Variants in BACE1 observed in about 807,000 individuals in gnomAD.
The protein encoded by BACE1 is beta-secretase 1, also known as APP beta-secretase.
A neutral mutation model predicts 54.0 loss-of-function variants in BACE1; 21 were observed. The observed-to-expected ratio is 0.39, with a 90% CI of 0.28 to 0.56. The LOEUF (loss-of-function observed/expected upper bound fraction) is 0.56, where lower values mean the gene tolerates loss of function less well. BACE1 is among the 20% of genes least tolerant of loss of function. The pLI is 0.63. For synonymous variants in BACE1, 232 were observed against 260.9 expected (o/e 0.89, Z 1.07); for missense variants, 511 against 661.2 (o/e 0.77, Z 2.49).
chr11:117,289,803 G>T lies in BACE1; in HGVS notation c.1269C>A (p.His423Gln). The part of the protein sequence containing the change: ...IGFAVSACHV[H>Q]DEFRTAAVEG... The stretch of plus-strand genomic sequence containing the variant: ...CCACCGCTGCCGTCCTGAACTCATC[G>T]TGCACTGGGGAGAGGGCAAATGTGA... Residue 423 changes from histidine to glutamine, a missense_variant, in exon 9 of 9, where the codon CAC becomes CAA. Physicochemically the swap from His to Gln is conservative, Grantham distance 24. Transcript: ENST00000313005. 1.2e-6 allele frequency: 2 copies of T among 1,612,526 alleles called. No homozygotes were observed. The highest frequency in any genetic ancestry group is 1.7e-6 in the Non-Finnish European group (2 of 1,178,582).
At position 117,293,361 on chromosome 11, in the gene BACE1, A is replaced by G; in HGVS notation, c.706-173T>C. On this transcript the variant is annotated intron_variant, in intron 4 of 8. Coordinates refer to ENST00000313005, the MANE Select transcript of BACE1 (RefSeq NM_012104.6). The surrounding 1 kb of genome is among the most constrained non-coding windows in gnomAD (Gnocchi z 4.1). ...TACCCAAAGTGATTTCTAGTTTCTT[A>G]AATGTGTTCAGGAGAAAAGACTTTC... 1.7e-6 allele frequency: 1 copy of G among 598,674 alleles called. No homozygotes were observed. Among genetic ancestry groups the G allele is most frequent in the African/African-American group, 1.9e-5 (1 of 52,676 alleles). The allele number at this position is 598,674 out of a possible 1,614,324, so 37.1% of individuals were successfully genotyped here.
chr11:117,290,863 T>TTC, intron 7 of BACE1, 37 bp downstream of exon 7: 1 of 1,606,508 alleles, frequency 6.2e-7, no homozygotes. Context: ...AGTGTGTACT[T>TTC]TTAAGAGAGA....
At chr11:117,310,945 C>G (rs1565367344) in intron 1 of BACE1, among the ~76,000 whole-genome samples, 1 of 151,184 alleles carries the variant, frequency 6.6e-6, no homozygotes, top group African/African-American at 2.4e-5. Flanking sequence ...AACCCCATTT[C>G]TTCTGCTAGA....
At chr11:117,312,900 A>G (rs1043175330) in intron 1 of BACE1, among the ~76,000 whole-genome samples, 5 of 152,186 alleles carry the variant, frequency 3.3e-5, no homozygotes, top group African/African-American at 1.2e-4. Context: ...CGCTTTGAGT[A>G]TATCTGCATG....
At chr11:117,290,443 A>G (rs2134443405) in intron 8 of BACE1, 45 bp downstream of exon 8, 1 of 1,597,668 alleles carries the variant, frequency 6.3e-7, no homozygotes, top group South Asian at 1.1e-5. Context: ...TGACAAGGAA[A>G]ATATGGAGAG....
chr11:117,296,376 G>T (rs1378674655), intron 2 of BACE1, among the ~76,000 whole-genome samples: 2 of 152,144 alleles, frequency 1.3e-5, no homozygotes, highest in African/African-American at 4.8e-5. Flanking sequence ...GGTCTAGGCA[G>T]AGGGGTTTAT....
intron 1 of BACE1, chr11:117,297,234 G>A (rs2034622393): frequency 2.5e-6 from 1 of 403,260 alleles, no homozygotes. Context: ...ATTAGTAGAA[G>A]AACTAATATG....
In BACE1 at chr11:117,315,458, C is replaced by T; in HGVS notation, c.261+77G>A. 1 of 1,520,824 alleles carries T rather than the reference C, an allele frequency of 6.6e-7. No individual in the cohort carries two copies. Among genetic ancestry groups the T allele is most frequent in the South Asian group, 1.3e-5 (1 of 78,218 alleles). The allele number at this position is 1,520,824 out of a possible 1,614,324, so 94.2% of individuals were successfully genotyped here. A position where few individuals can be genotyped will look rare whatever the true frequency, so the allele number is the denominator to read the frequency against. Reference sequence around the variant, plus strand: ...CCCCACCAGCCCATTTGAGCAGGGGCTAGCTTGAGGCATCCCCATCCTGTC... The same window carrying T: ...CCCCACCAGCCCATTTGAGCAGGGGTTAGCTTGAGGCATCCCCATCCTGTC... On this transcript the variant is annotated intron_variant, in intron 1 of 8. Transcript: ENST00000313005. The surrounding 1 kb of genome is among the most constrained non-coding windows in gnomAD (Gnocchi z 5.5).
rs760867655 is a variant in BACE1 at position 117,289,822 on chromosome 11, A to C, written c.1265-15T>G. ...CTCATCGTGCACTGGGGAGAGGGCA[A>C]ATGTGAATGGACAGCTCTCATTGTC... On this transcript the variant is annotated splice_polypyrimidine_tract_variant and intron_variant, in intron 8 of 8. Coordinates refer to ENST00000313005, the MANE Select transcript of BACE1 (RefSeq NM_012104.6). 1.9e-6 allele frequency: 3 copies of C among 1,607,746 alleles called. No homozygotes were observed. Among genetic ancestry groups the C allele is most frequent in the Non-Finnish European group, 2.6e-6 (3 of 1,174,446 alleles).
At chr11:117,297,133 G>T in intron 1 of BACE1, 172 bp from the exon 2 acceptor site, 2 of 580,364 alleles carry the variant, frequency 3.4e-6, no homozygotes, top group Non-Finnish European at 6.0e-6. Flanking sequence ...CCACAGACAG[G>T]ACCTGGGGTC....
chr11:117,300,423 C>A (rs1365126392), intron 1 of BACE1, among the ~76,000 whole-genome samples: 2 of 152,304 alleles, frequency 1.3e-5, no homozygotes, highest in East Asian at 3.9e-4. Context: ...CCAGTCCCGG[C>A]AGCCTTTTCC....
At chr11:117,295,065 C>T (rs2034562116) in intron 3 of BACE1, 66 bp downstream of exon 3, 2 of 1,456,378 alleles carry the variant, frequency 1.4e-6, no homozygotes, top group East Asian at 2.3e-5. Flanking sequence ...CCTTCTCTCT[C>T]CTAATTCCTT....
rs903445668 is a variant in BACE1 at position 117,294,609 on chromosome 11, C to T, written c.567+522G>A. 3.5e-4 allele frequency among the ~76,000 whole-genome samples: 53 copies of T among 151,644 alleles called. 1 individual carries two copies. The highest frequency in any genetic ancestry group is 1.3e-3 in the African/African-American group (53 of 41,290). ...TATTAAAGATCTTAGAGTGGCTGGT[C>T]GCGGTGGTTCATGCCTGTAATCCCA... On this transcript the variant is annotated intron_variant, in intron 3 of 8. Transcript: ENST00000313005.
intron 1 of BACE1, among the ~76,000 whole-genome samples, chr11:117,304,159 G>A (rs746240802): frequency 6.6e-6 from 1 of 152,252 alleles, no homozygotes; most frequent in African/African-American, 2.4e-5. Context: ...ATGATGCAAG[G>A]AGAGGCTTGA....
Position 117,315,797 on chromosome 11 carries a change from GTGGGCCCC to G in BACE1, c.-10_-3del. The G allele has an allele frequency of 7.1e-7, 1 of 1,409,086 alleles. No individual in the cohort carries two copies. Among genetic ancestry groups the G allele is most frequent in the Non-Finnish European group, 9.2e-7 (1 of 1,090,570 alleles). The allele number at this position is 1,409,086 out of a possible 1,614,324, so 87.3% of individuals were successfully genotyped here. On this transcript the variant is annotated 5_prime_UTR_variant, in exon 1 of 9. Coordinates refer to ENST00000313005, the MANE Select transcript of BACE1 (RefSeq NM_012104.6). This position sits in a 1 kb window ranked among gnomAD's most constrained non-coding sequence, Gnocchi z 5.5. Reference sequence around the variant, plus strand: ...GAGCCAGGGCAGGGCTTGGGCCATGGTGGGCCCCGGCCTTCGGGCCCTCTGGGCTCGCA... The same window carrying G: ...GAGCCAGGGCAGGGCTTGGGCCATGGGGCCTTCGGGCCCTCTGGGCTCGCA...
intron 1 of BACE1, among the ~76,000 whole-genome samples, chr11:117,309,318 T>C (rs1241226573): frequency 6.6e-6 from 1 of 152,222 alleles, no homozygotes; most frequent in Non-Finnish European, 1.5e-5. Context: ...TCCTTACTGT[T>C]TGCAGAATAA....
Position 117,293,174 on chromosome 11 carries a change from G to C in BACE1, c.720C>G (p.Ile240Met). 3.1e-6 allele frequency: 5 copies of C among 1,613,614 alleles called. No homozygotes were observed. The highest frequency in any genetic ancestry group is 4.2e-6 in the Non-Finnish European group (5 of 1,179,860). ...GACTGCCTGTGTACAGCGAGTGGTC[G>C]ATACCTCCAATGATCTAGGGAAAAA... ...SVGGSMIIGG[I>M]DHSLYTGSLW... Residue 240 changes from isoleucine to methionine, a missense_variant, in exon 5 of 9, where the codon ATC becomes ATG. Ile to Met is a conservative substitution (Grantham distance 10). This residue lies in a region of BACE1 where 407 missense variants were observed against 565.7 expected (regional missense o/e 0.72). Transcript: ENST00000313005. This position sits in a 1 kb window ranked among gnomAD's most constrained non-coding sequence, Gnocchi z 4.1.
chr11:117,300,471 G>T (rs1421466125), intron 1 of BACE1, among the ~76,000 whole-genome samples: 1 of 152,184 alleles, frequency 6.6e-6, no homozygotes, highest in Admixed American at 6.5e-5. Context: ...GATGGGGGGG[G>T]CTCTTAACAG....
chr11:117,295,092 G>A, intron 3 of BACE1, 39 bp downstream of exon 3: 1 of 1,548,738 alleles, frequency 6.5e-7, no homozygotes, highest in Non-Finnish European at 8.9e-7. Flanking sequence ...ATAGTGCAGT[G>A]TGCATAGAGT....
Sources: allele counts gnomAD v4.1 joint callset (sites outside exome capture counted in the v4.1 genomes callset), GRCh38; gene constraint gnomAD v4.1.1; regional missense constraint gnomAD v4.1.1; non-coding constraint Gnocchi (gnomAD v3.1); transcripts MANE v1.5; gene names NCBI Gene and HGNC (gene_info 2026-07-23, HGNC 2026-07-21).